The following USH2A variants were observed in gnomAD, a reference collection of about 807,000 sequenced individuals.
USH2A encodes usherin.
Under a neutral mutation model 538.9 loss-of-function variants are expected in USH2A, and 443 were observed. That is an observed-to-expected ratio of 0.82 (90% CI 0.76 to 0.89). The LOEUF (loss-of-function observed/expected upper bound fraction) is 0.89, where lower values mean the gene tolerates loss of function less well. USH2A is among the 40% of genes least tolerant of loss of function. USH2A has a pLI of 0.00. For missense variants in USH2A, 6,633 were observed against 6,324.8 expected, an observed-to-expected ratio of 1.05 and a Z score of -1.65; for synonymous variants, 2,413 against 2,273.5, an observed-to-expected ratio of 1.06 and a Z score of -1.75.
At chr1:216,028,304 C>T (rs554129531) in intron 32 of USH2A, among the ~76,000 whole-genome samples, 10 of 152,018 alleles carry the variant, frequency 6.6e-5, no homozygotes, top group African/African-American at 9.7e-5. Flanking sequence ...AGGAGAATGG[C>T]TTGAACCCAG....
At chr1:216,279,539 G>T (rs2036732924) in intron 11 of USH2A, among the ~76,000 whole-genome samples, 2 of 152,086 alleles carry the variant, frequency 1.3e-5, no homozygotes, top group Admixed American at 6.6e-5. Flanking sequence ...GGCGGCAATT[G>T]TATCATCTGG....
intron 32 of USH2A, among the ~76,000 whole-genome samples, chr1:216,016,570 C>T (rs1320873031): frequency 1.3e-5 from 2 of 152,100 alleles, no homozygotes; most frequent in Non-Finnish European, 2.9e-5. Flanking sequence ...TCAACATATG[C>T]GTAGTTTGTA....
chr1:216,132,864 C>T (rs1216407438), intron 21 of USH2A, among the ~76,000 whole-genome samples: 1 of 152,052 alleles, frequency 6.6e-6, no homozygotes, highest in East Asian at 1.9e-4. Context: ...GCTTATAATC[C>T]AGAAAGAGCA....
chr1:216,245,463 C>A (rs1003875744), intron 13 of USH2A, among the ~76,000 whole-genome samples: 2 of 131,764 alleles, frequency 1.5e-5, no homozygotes, highest in African/African-American at 6.1e-5. Context: ...GAGGTAAAGT[C>A]CCCTTCTGAG....
chr1:215,627,501 CTTCT>C (rs1397261056), intron 71 of USH2A, among the ~76,000 whole-genome samples: 12 of 141,052 alleles, frequency 8.5e-5, no homozygotes, highest in African/African-American at 1.3e-4. Context: ...TCCTTCCTTC[CTTCT>C]TTCCTTCCTT....
intron 41 of USH2A, among the ~76,000 whole-genome samples, chr1:215,883,078 G>A (rs927274595): frequency 2.0e-5 from 3 of 151,920 alleles, no homozygotes; most frequent in African/African-American, 7.2e-5. Flanking sequence ...ACTGATATTC[G>A]TTTTTGCTAA....
intron 3 of USH2A, among the ~76,000 whole-genome samples, chr1:216,370,510 TC>T (rs886674425): frequency 2.6e-5 from 4 of 151,188 alleles, no homozygotes; most frequent in Non-Finnish European, 5.9e-5. Context: ...TGAAACCCTG[TC>T]CCTGCTAAAA....
intron 3 of USH2A, among the ~76,000 whole-genome samples, chr1:216,418,255 G>A (rs2039609244): frequency 6.6e-6 from 1 of 152,046 alleles, no homozygotes; most frequent in African/African-American, 2.4e-5. Context: ...AATTTTCTGA[G>A]GATATTACAA....
At position 216,103,768 on chromosome 1, in the gene USH2A, A is replaced by C. The variant is rs550411669; in HGVS notation, c.4628-6555T>G. On this transcript the variant is annotated intron_variant, in intron 21 of 71. Transcript: ENST00000307340. ...CGTCTAAACAATCACTTGACTAAAA[A>C]TTCTGATATGCAAATAACCATATTT... Among the ~76,000 whole-genome samples the C allele has an allele frequency of 2.6e-5, 4 of 152,356 alleles. No individual in the cohort carries two copies. In the East Asian group the frequency reaches 7.7e-4, roughly 29 times the overall value.
At chr1:215,631,050 A>G (rs1656267734) in intron 70 of USH2A, among the ~76,000 whole-genome samples, 1 of 152,224 alleles carries the variant, frequency 6.6e-6, no homozygotes, top group Admixed American at 6.5e-5. Flanking sequence ...ATGAAATACA[A>G]AAGACACTCT....
rs747075203 is a variant in USH2A at position 216,246,830 on chromosome 1, A to G, written c.2564T>C (p.Ile855Thr). 4 of 1,614,174 alleles carry G rather than the reference A, an allele frequency of 2.5e-6. No homozygotes were observed. The highest frequency in any genetic ancestry group is 3.3e-4 in the Middle Eastern group (2 of 6,060). The change falls in exon 13 of 72, where the codon ATA becomes ACA. Residue 855 changes from isoleucine to threonine, a missense_variant. Ile to Thr is a moderately conservative substitution (Grantham distance 89). Transcript: ENST00000307340. ...LPCNCDKTGT[I>T]NGSLLCNKST... ...TTTGTTACACAGCAGAGAGCCATTT[A>G]TTGTCCCAGTCTTATCACAGTTGCA...
chr1:215,888,635 G>C lies in USH2A; in HGVS notation c.8014C>G (p.Leu2672Val), dbSNP rs2102460177. ...RVKGKEEVTT[L>V]VTLPRSHSMR... ...GAATGACTCCTCGGGAGAGTCACCA[G>C]GGTAGTAACTTCTTCCTTTCCTTTG... Residue 2672 changes from leucine to valine, a missense_variant, in exon 41 of 72, where the codon CTG (leucine) becomes GTG (valine). Coordinates refer to ENST00000307340, the MANE Select transcript of USH2A (RefSeq NM_206933.4). The C allele has an allele frequency of 6.2e-7, 1 of 1,614,138 alleles. No individual in the cohort carries two copies. The highest frequency in any genetic ancestry group is 8.5e-7 in the Non-Finnish European group (1 of 1,180,010).
intron 32 of USH2A, among the ~76,000 whole-genome samples, chr1:216,038,960 T>C (rs2102518243): frequency 6.6e-6 from 1 of 152,162 alleles, no homozygotes; most frequent in Admixed American, 6.6e-5. Flanking sequence ...ATAATATTCC[T>C]TAATTAGGTT....
At chr1:215,913,088 A>T (rs576758203) in intron 38 of USH2A, among the ~76,000 whole-genome samples, 1 of 152,284 alleles carries the variant, frequency 6.6e-6, no homozygotes, top group African/African-American at 2.4e-5. Flanking sequence ...ATACAGAAAG[A>T]TTAAACATTT....
chr1:215,879,252 G>A (rs1571774287), intron 41 of USH2A, among the ~76,000 whole-genome samples, 154 bp from the exon 42 acceptor site: 1 of 152,310 alleles, frequency 6.6e-6, no homozygotes, highest in Non-Finnish European at 1.5e-5. Context: ...GTAATGAAGG[G>A]TTTGAGATCA....
intron 3 of USH2A, among the ~76,000 whole-genome samples, chr1:216,407,228 T>G (rs928544858): frequency 1.3e-5 from 2 of 152,168 alleles, no homozygotes; most frequent in African/African-American, 4.8e-5. Flanking sequence ...GTTTGACTTT[T>G]TTCAGAAGTA....
intron 15 of USH2A, among the ~76,000 whole-genome samples, chr1:216,210,465 T>A (rs1286232787): frequency 3.3e-5 from 5 of 152,136 alleles, no homozygotes; most frequent in Non-Finnish European, 7.3e-5. Flanking sequence ...CCCTGCTCTT[T>A]CTACCCAATA....
intron 46 of USH2A, among the ~76,000 whole-genome samples, chr1:215,838,653 C>T (rs1405720598): frequency 6.6e-6 from 1 of 152,134 alleles, no homozygotes; most frequent in Non-Finnish European, 1.5e-5. Context: ...AGCAGAAAAT[C>T]ATCATTCATC....
chr1:215,664,425 C>T (rs1361934632), intron 64 of USH2A, among the ~76,000 whole-genome samples: 14 of 152,138 alleles, frequency 9.2e-5, no homozygotes, highest in Non-Finnish European at 1.8e-4. Flanking sequence ...CATTCACTTG[C>T]ATCAACACAA....
Sources: allele counts gnomAD v4.1 joint callset (sites outside exome capture counted in the v4.1 genomes callset), GRCh38; gene constraint gnomAD v4.1.1; transcripts MANE v1.5; gene names NCBI Gene and HGNC (gene_info 2026-07-23, HGNC 2026-07-21).